The following CATSPERE variants were observed in gnomAD, a reference collection of about 807,000 sequenced individuals.
CATSPERE encodes cation channel sperm-associated auxiliary subunit epsilon.
Under a neutral mutation model 114.1 loss-of-function variants are expected in CATSPERE, and 93 were observed. The ratio of observed to expected loss-of-function variants is 0.81; its 90% CI spans 0.69 to 0.97. The LOEUF is 0.97. Ranked by LOEUF, CATSPERE falls within the 50% of genes least tolerant of loss-of-function variation. CATSPERE has a pLI of 0.00. For synonymous variants in CATSPERE, 341 were observed against 384.1 expected (o/e 0.89, Z 1.31); for missense variants, 1,058 against 1,131.6 (o/e 0.93, Z 0.93).
rs1281579567 is a variant in CATSPERE, at chr1:244,625,424, A to ATTTTTTTTTTTTTT, written c.2648+7739_2648+7740insTTTTTTTTTTTTTT. On this transcript the variant is annotated intron_variant, in intron 20 of 21. Coordinates refer to ENST00000366534, the MANE Select transcript of CATSPERE (RefSeq NM_001130957.2). Reference sequence around the variant, plus strand: ...TTATTATTTATATATATATATATATATATATATATTTTTTTTTTTTTTTGA... The same window carrying ATTTTTTTTTTTTTT: ...TTATTATTTATATATATATATATATATTTTTTTTTTTTTTTATATATATTTTTTTTTTTTTTTGA... Among the ~76,000 whole-genome samples, 5 of 3,952 alleles carry ATTTTTTTTTTTTTT rather than the reference A, an allele frequency of 1.3e-3. 1 individual carries two copies. Among genetic ancestry groups the ATTTTTTTTTTTTTT allele is most frequent in the South Asian group, 0.025 (1 of 40 alleles). The allele number at this position is 3,952 out of a possible 152,430, so 2.6% of individuals were successfully genotyped here.
At chr1:244,463,133 C>A (rs116170806) in intron 1 of CATSPERE, among the ~76,000 whole-genome samples, 1 of 152,062 alleles carries the variant, frequency 6.6e-6, no homozygotes, top group Admixed American at 6.5e-5. Context: ...ATACTGATTA[C>A]ATGTTGAATA....
intron 7 of CATSPERE, among the ~76,000 whole-genome samples, chr1:244,518,222 G>A (rs1676955413): frequency 6.6e-6 from 1 of 152,110 alleles, no homozygotes; most frequent in Non-Finnish European, 1.5e-5. Flanking sequence ...ATGTCATTTT[G>A]AAGGCAGGCT....
intron 20 of CATSPERE, among the ~76,000 whole-genome samples, chr1:244,635,184 C>CT (rs933617780): frequency 3.3e-5 from 5 of 152,152 alleles, no homozygotes; most frequent in East Asian, 1.9e-4. Flanking sequence ...TAAATGTTAG[C>CT]TTTTTTTTAT....
chr1:244,470,865 T>C (rs1202325255), intron 2 of CATSPERE, among the ~76,000 whole-genome samples: 1 of 152,194 alleles, frequency 6.6e-6, no homozygotes, highest in Non-Finnish European at 1.5e-5. Context: ...TGTGCTACAA[T>C]ATAGAAAAGC....
intron 9 of CATSPERE, among the ~76,000 whole-genome samples, chr1:244,558,392 A>T (rs950443104): frequency 1.3e-5 from 2 of 151,610 alleles, no homozygotes; most frequent in Non-Finnish European, 2.9e-5. Context: ...TTATTTCTTT[A>T]TTCTTGATTT....
At chr1:244,525,260 A>G (rs1395905363) in intron 8 of CATSPERE, among the ~76,000 whole-genome samples, 1 of 147,586 alleles carries the variant, frequency 6.8e-6, no homozygotes, top group Admixed American at 6.9e-5. Context: ...AACACTGCAT[A>G]TTCTCACTCA....
chr1:244,499,872 G>A (rs1673750093), intron 7 of CATSPERE, among the ~76,000 whole-genome samples: 1 of 152,138 alleles, frequency 6.6e-6, no homozygotes. Context: ...TAATGGGATT[G>A]CTGGGTCAAA....
At chr1:244,625,617 C>T (rs188744142) in intron 20 of CATSPERE, among the ~76,000 whole-genome samples, 37 of 146,496 alleles carry the variant, frequency 2.5e-4, no homozygotes, top group Middle Eastern at 3.7e-3. Context: ...TTAGTAGAGA[C>T]GGGGTTTCAC....
At position 244,605,715 on chromosome 1, in the gene CATSPERE, T is replaced by C; in HGVS notation, c.2324T>C (p.Val775Ala). The change falls in exon 18 of 22, where the codon GTT becomes GCT. Residue 775 changes from valine (V) to alanine (A), a missense_variant. Around this residue, in one of 2 missense-constraint regions of CATSPERE, gnomAD observed 787 missense variants for 905.6 expected, o/e 0.87. Transcript: ENST00000366534. ...TTCAGATTTGATGATAATGGCTATG[T>C]TAAAGACGTTGAAGCAAATTTCATA... Reference protein sequence around the residue: ...VVQLFDDNGYVKDVEANFIVW... With the variant: ...VVQLFDDNGYAKDVEANFIVW... 6.2e-7 allele frequency: 1 copy of C among 1,611,706 alleles called. No homozygotes were observed.
chr1:244,627,276 C>G (rs1194376530), intron 20 of CATSPERE, among the ~76,000 whole-genome samples: 1 of 152,094 alleles, frequency 6.6e-6, no homozygotes, highest in Non-Finnish European at 1.5e-5. Context: ...TCAGAGATCA[C>G]TGACCACAGA....
chr1:244,535,106 A>G (rs1680178060), intron 8 of CATSPERE, among the ~76,000 whole-genome samples: 1 of 152,162 alleles, frequency 6.6e-6, no homozygotes, highest in Non-Finnish European at 1.5e-5. Context: ...TCTGCCAAAC[A>G]AACAGAATCT....
At chr1:244,604,226 AAAG>A (rs1412859196) in intron 17 of CATSPERE, among the ~76,000 whole-genome samples, 1 of 152,256 alleles carries the variant, frequency 6.6e-6, no homozygotes, top group Non-Finnish European at 1.5e-5. Context: ...CCCCATCAGA[AAAG>A]AAGCCAAACA....
upstream of CATSPERE, chr1:244,451,731 C>A: frequency 6.2e-7 from 1 of 1,607,890 alleles, no homozygotes; most frequent in Non-Finnish European, 8.5e-7. The surrounding 1 kb of genome is among the most constrained non-coding windows in gnomAD (Gnocchi z 6.6). Flanking sequence ...CCACCGTCAC[C>A]CGGTTTCCTC....
intron 8 of CATSPERE, among the ~76,000 whole-genome samples, chr1:244,542,812 C>T (rs1659069988): frequency 6.6e-6 from 1 of 152,120 alleles, no homozygotes; most frequent in African/African-American, 2.4e-5. Context: ...CAGCATGCAG[C>T]CCTGCCCAAC....
intron 4 of CATSPERE, among the ~76,000 whole-genome samples, chr1:244,478,302 G>A (rs977253161): frequency 5.3e-5 from 8 of 152,144 alleles, no homozygotes; most frequent in African/African-American, 1.9e-4. Context: ...CTGTGACAAT[G>A]CTGAGATTAA....
chr1:244,500,328 C>T (rs970424998), intron 7 of CATSPERE, among the ~76,000 whole-genome samples: 10 of 152,008 alleles, frequency 6.6e-5, no homozygotes, highest in Admixed American at 3.9e-4. Flanking sequence ...TCTTTTGCTC[C>T]GCAGAAGCTC....
chr1:244,535,290 G>A (rs1364902946), intron 8 of CATSPERE, among the ~76,000 whole-genome samples: 1 of 152,114 alleles, frequency 6.6e-6, no homozygotes, highest in African/African-American at 2.4e-5. Context: ...AGGCCCTAGG[G>A]CTCTACAACC....
chr1:244,598,572 C>A, intron 17 of CATSPERE: 1 of 314,856 alleles, frequency 3.2e-6, no homozygotes, highest in South Asian at 2.9e-5. Flanking sequence ...ACCTGTCTTG[C>A]ACCCACAGAG....
At chr1:244,584,357 A>G (rs1425505233) in intron 13 of CATSPERE, among the ~76,000 whole-genome samples, 1 of 152,114 alleles carries the variant, frequency 6.6e-6, no homozygotes, top group East Asian at 1.9e-4. Context: ...CCCAGAGGAA[A>G]GTAAACTAAG....
Sources: gnomAD v4.1 joint callset for allele counts (sites outside exome capture counted in the v4.1 genomes callset) on GRCh38, gnomAD v4.1.1 for gene constraint, gnomAD v4.1.1 regional missense constraint, Gnocchi (gnomAD v3.1) non-coding constraint, MANE v1.5 for transcripts, NCBI Gene and HGNC (gene_info 2026-07-23, HGNC 2026-07-21) for gene names.